The following HEPHL1 variants were observed in gnomAD, a reference collection of about 807,000 sequenced individuals.
HEPHL1 encodes ferroxidase HEPHL1.
Under a neutral mutation model 122.0 loss-of-function variants are expected in HEPHL1, and 123 were observed. The ratio of observed to expected loss-of-function variants is 1.01; its 90% CI spans 0.87 to 1.17. The LOEUF is 1.17. Among genes scored for constraint, HEPHL1 ranks in the 50% most tolerant of loss-of-function variants. The pLI is 0.00. For missense variants in HEPHL1, 1,452 were observed against 1,430.5 expected (o/e 1.01, Z -0.24); for synonymous variants, 527 against 508.9 (o/e 1.04, Z -0.48).
At chr11:94,060,419 GA>G (rs1378617002) in intron 2 of HEPHL1, among the ~76,000 whole-genome samples, 2 of 151,910 alleles carry the variant, frequency 1.3e-5, no homozygotes, top group Admixed American at 1.3e-4. Context: ...TGTTATAAAT[GA>G]ATAAGATAGT....
rs1946238753 is a variant in HEPHL1, at chr11:94,088,782, T to C, written c.2108T>C (p.Met703Thr). ...AGIFRVFCAT[M>T]PHLSRGMGQI... The stretch of plus-strand genomic sequence containing the variant: ...ATTTTTAGGGTGTTTTGTGCCACCA[T>C]GCCCCACCTCTCGAGAGGCATGGGT... Residue 703 changes from methionine to threonine, a missense_variant, in exon 12 of 20, where the codon ATG becomes ACG. Transcript: ENST00000315765. The C allele has an allele frequency of 3.7e-6, 6 of 1,613,764 alleles. No homozygotes were observed. In the African/African-American group the frequency reaches 5.3e-5, roughly 14 times the overall value.
chr11:94,088,934 T>A lies in HEPHL1; in HGVS notation c.2260T>A (p.Phe754Ile). 1 of 1,613,484 alleles carries A rather than the reference T, an allele frequency of 6.2e-7. No homozygotes were observed. The highest frequency in any genetic ancestry group is 8.5e-7 in the Non-Finnish European group (1 of 1,179,780). The change falls in exon 12 of 20, where the codon TTC becomes ATC. Residue 754 changes from phenylalanine (F) to isoleucine (I), a missense_variant. Coordinates refer to ENST00000315765, the MANE Select transcript of HEPHL1 (RefSeq NM_001098672.2). ...WDYAPNKNWE[F>I]EKQHVDARGE... The stretch of plus-strand genomic sequence containing the variant: ...TTATGCCCCTAACAAAAACTGGGAG[T>A]TCGAAAAGCAGCACGTGGACGCAAG...
chr11:94,042,781 C>T (rs1414850982), intron 1 of HEPHL1, among the ~76,000 whole-genome samples: 18 of 140,944 alleles, frequency 1.3e-4, no homozygotes, highest in South Asian at 2.4e-4. Flanking sequence ...TGCTAGATGA[C>T]GAGTTAGTGG....
intron 9 of HEPHL1, among the ~76,000 whole-genome samples, chr11:94,080,263 AC>A (rs1356256289): frequency 1.2e-4 from 18 of 152,066 alleles, no homozygotes; most frequent in East Asian, 3.9e-4. Context: ...TTGAAACTGG[AC>A]CCCCTTCCTT....
rs1946453102 is a variant in HEPHL1, at chr11:94,111,852, C to A, written c.3438C>A (p.Tyr1146Ter). 1 of 1,532,266 alleles carries A rather than the reference C, an allele frequency of 6.5e-7. No individual in the cohort carries two copies. The highest frequency in any genetic ancestry group is 2.1e-5 in the Admixed American group (1 of 47,180). 94.9% of individuals were successfully genotyped at this position (1,532,266 alleles called of 1,614,324 possible). Residue 1146 changes from tyrosine (Y) to a stop codon, truncating the protein, a stop_gained, in exon 20 of 20, where the codon TAC (tyrosine) becomes TAA (stop). Coordinates refer to ENST00000315765, the MANE Select transcript of HEPHL1 (RefSeq NM_001098672.2). LOFTEE classifies it high-confidence loss of function. ...RLCSAMKQTD[Y>*]QQVQSCALPT... is the part of the protein sequence containing the mutation. The stretch of plus-strand genomic sequence containing the variant: ...GCTCTGCAATGAAGCAGACAGATTA[C>A]CAGCAAGTCCAGTCCTGTGCTCTCC...
chr11:94,093,655 T>C lies in HEPHL1; in HGVS notation c.2434+15T>C, dbSNP rs145072468. 8 of 1,610,520 alleles carry C rather than the reference T, an allele frequency of 5.0e-6. No individual in the cohort carries two copies. Among genetic ancestry groups the C allele is most frequent in the Middle Eastern group, 1.7e-4 (1 of 6,030 alleles). On this transcript the variant is annotated intron_variant, in intron 13 of 19. Transcript: ENST00000315765. ...AGAACTCCTGGGTATGGCACAGATT[T>C]CAGGCGTGCACTGTCAGCCCCAAGC...
intron 1 of HEPHL1, among the ~76,000 whole-genome samples, chr11:94,031,228 C>T (rs1400157578): frequency 6.6e-6 from 1 of 152,000 alleles, no homozygotes; most frequent in Non-Finnish European, 1.5e-5. Context: ...CTCCTCCGTC[C>T]TCCCTCCCAC....
rs576643203 is a variant in HEPHL1, at chr11:94,021,503, G to T, written c.135G>T (p.Lys45Asn). Residue 45 changes from lysine to asparagine, a missense_variant, in exon 1 of 20, where the codon AAG becomes AAT. Transcript: ENST00000315765. ...ACTGGAACTATGTACCCCAAGGGAA[G>T]AATGTTATTACTGGGAAAAGTTTCA... ...EEYWNYVPQG[K>N]NVITGKSFTE... 2 of 1,611,976 alleles carry T rather than the reference G, an allele frequency of 1.2e-6. No homozygotes were observed. The highest frequency in any genetic ancestry group is 1.7e-5 in the Admixed American group (1 of 59,656).
chr11:94,088,991 G>C, intron 12 of HEPHL1, 23 bp downstream of exon 12: 1 of 1,608,870 alleles, frequency 6.2e-7, no homozygotes, highest in Non-Finnish European at 8.5e-7. Context: ...CCGCCGCTAG[G>C]GCTCCTCGGT....
At chr11:94,067,833 C>A in intron 5 of HEPHL1, 83 bp downstream of exon 5, 2 of 1,265,782 alleles carry the variant, frequency 1.6e-6, no homozygotes, top group Non-Finnish European at 1.1e-6. Flanking sequence ...CCAGTACCTA[C>A]TGTTAGATAG....
chr11:94,058,377 T>C (rs956321707), intron 2 of HEPHL1, among the ~76,000 whole-genome samples: 6 of 152,224 alleles, frequency 3.9e-5, no homozygotes, highest in African/African-American at 1.4e-4. Context: ...AGGTTTTGTC[T>C]TTGCTACAGC....
intron 5 of HEPHL1, among the ~76,000 whole-genome samples, chr11:94,068,111 T>C (rs1408877004): frequency 6.6e-6 from 1 of 152,208 alleles, no homozygotes; most frequent in African/African-American, 2.4e-5. Context: ...TCAGAGGGGC[T>C]TCCTGAGGAG....
chr11:94,100,899 A>T (rs1024413006), intron 13 of HEPHL1, among the ~76,000 whole-genome samples: 1 of 152,178 alleles, frequency 6.6e-6, no homozygotes. Flanking sequence ...CCCACATAAA[A>T]GTTATTACTA....
intron 13 of HEPHL1, among the ~76,000 whole-genome samples, chr11:94,094,312 T>C (rs1012431652): frequency 2.0e-5 from 3 of 152,064 alleles, no homozygotes; most frequent in African/African-American, 4.8e-5. Flanking sequence ...TCTATGTCCC[T>C]ACAAAGGACA....
At chr11:94,042,703 T>A (rs1945792921) in intron 1 of HEPHL1, among the ~76,000 whole-genome samples, 1 of 122,188 alleles carries the variant, frequency 8.2e-6, no homozygotes, top group Non-Finnish European at 1.6e-5. Context: ...GGAAGGGGAA[T>A]ATCACACTTT....
chr11:94,099,514 G>T (rs932026145), intron 13 of HEPHL1, among the ~76,000 whole-genome samples: 1 of 152,156 alleles, frequency 6.6e-6, no homozygotes, highest in Admixed American at 6.5e-5. Flanking sequence ...ACTCTGTGCT[G>T]GGAGAACCAC....
intron 9 of HEPHL1, among the ~76,000 whole-genome samples, chr11:94,076,115 A>G (rs1946120592): frequency 6.6e-6 from 1 of 152,174 alleles, no homozygotes; most frequent in Non-Finnish European, 1.5e-5. Flanking sequence ...TCTGGACTCA[A>G]AGGAATTTCC....
intron 12 of HEPHL1, among the ~76,000 whole-genome samples, chr11:94,090,569 G>T (rs1025016758): frequency 3.3e-5 from 5 of 152,086 alleles, no homozygotes; most frequent in Non-Finnish European, 5.9e-5. Context: ...TCTGATTCTT[G>T]CCCATACATA....
chr11:94,030,115 G>A (rs1025465208), intron 1 of HEPHL1, among the ~76,000 whole-genome samples: 4 of 152,160 alleles, frequency 2.6e-5, no homozygotes. Context: ...GAATGATAAG[G>A]TCCTATGAAT....
Sources: gnomAD v4.1 joint callset for allele counts (sites outside exome capture counted in the v4.1 genomes callset) on GRCh38, gnomAD v4.1.1 for gene constraint, MANE v1.5 for transcripts, NCBI Gene and HGNC (gene_info 2026-07-23, HGNC 2026-07-21) for gene names.